UBE2G1: variants seen among roughly 807,000 people sequenced by gnomAD.
UBE2G1 encodes the protein ubiquitin conjugating enzyme E2 G1.
Under a neutral mutation model 22.7 loss-of-function variants are expected in UBE2G1, and 5 were observed. The ratio of observed to expected loss-of-function variants is 0.22; its 90% CI spans 0.12 to 0.46. The LOEUF (loss-of-function observed/expected upper bound fraction) is 0.46. Ranked by LOEUF, UBE2G1 falls within the 20% of genes least tolerant of loss-of-function variation. UBE2G1 has a pLI of 0.99. For missense variants in UBE2G1, 88 were observed against 203.9 expected, an observed-to-expected ratio of 0.43 and a Z score of 3.46; for synonymous variants, 74 against 67.5, an observed-to-expected ratio of 1.10 and a Z score of -0.47.
At chr17:4,287,365 C>T (rs377050286) in intron 4 of UBE2G1, among the ~76,000 whole-genome samples, 20 of 152,026 alleles carry the variant, frequency 1.3e-4, no homozygotes, top group African/African-American at 3.4e-4. Flanking sequence ...GCCTCCCAAA[C>T]GGCTGGGATT....
chr17:4,287,987 G>T (rs1024860836), intron 4 of UBE2G1, among the ~76,000 whole-genome samples: 1 of 152,070 alleles, frequency 6.6e-6, no homozygotes, highest in Admixed American at 6.6e-5. Context: ...CTACATTAAC[G>T]ACAGACTTGT....
At chr17:4,349,188 C>T (rs1015571211) in intron 1 of UBE2G1, among the ~76,000 whole-genome samples, 1 of 152,062 alleles carries the variant, frequency 6.6e-6, no homozygotes, top group African/African-American at 2.4e-5. Context: ...GATGTCGTGG[C>T]GCATGCGTGT....
intron 1 of UBE2G1, among the ~76,000 whole-genome samples, chr17:4,308,425 T>G (rs1194186747): frequency 6.6e-6 from 1 of 152,028 alleles, no homozygotes; most frequent in Non-Finnish European, 1.5e-5. Context: ...CTCAGAAGGC[T>G]AAGGCAGGAG....
intron 5 of UBE2G1, among the ~76,000 whole-genome samples, chr17:4,282,256 T>G (rs942132311): frequency 2.0e-5 from 3 of 152,074 alleles, no homozygotes; most frequent in Admixed American, 1.3e-4. Flanking sequence ...CTAATTTTTG[T>G]ATTTTTAGTA....
intron 1 of UBE2G1, among the ~76,000 whole-genome samples, chr17:4,335,605 A>C (rs1198668203): frequency 6.6e-6 from 1 of 152,210 alleles, no homozygotes; most frequent in Non-Finnish European, 1.5e-5. Flanking sequence ...TAGAACTACA[A>C]ACTACCATGT....
At chr17:4,282,671 C>A (rs771130975) in intron 5 of UBE2G1, 127 bp downstream of exon 5, 36 of 626,384 alleles carry the variant, frequency 5.7e-5, no homozygotes, top group Non-Finnish European at 9.9e-5. Context: ...AACGAGACTA[C>A]AGGATAATAC....
In UBE2G1 at chr17:4,296,825, GAACA is replaced by G; in HGVS notation, c.150-15_150-12del. 1 of 1,609,532 alleles carries G rather than the reference GAACA, an allele frequency of 6.2e-7. No individual in the cohort carries two copies. The highest frequency in any genetic ancestry group is 8.5e-7 in the Non-Finnish European group (1 of 1,177,402). ...AAAACACCACCTTCACTGGAAAAAA[GAACA>G]AAAAGAAGTTCTTGCCTATAAGTTC... On this transcript the variant is annotated splice_polypyrimidine_tract_variant and intron_variant, in intron 2 of 5. Transcript: ENST00000396981.
At chr17:4,292,399 CT>C (rs1341604437) in intron 3 of UBE2G1, among the ~76,000 whole-genome samples, 65 of 152,070 alleles carry the variant, frequency 4.3e-4, no homozygotes, top group African/African-American at 1.4e-3. Flanking sequence ...TAGCTACCTC[CT>C]TTTTCTTGAG....
intron 4 of UBE2G1, among the ~76,000 whole-genome samples, chr17:4,286,501 G>A (rs1968965485): frequency 1.3e-5 from 2 of 152,182 alleles, no homozygotes; most frequent in African/African-American, 4.8e-5. Context: ...GGAAGAACCA[G>A]TGGGATTCAA....
Position 4,271,662 on chromosome 17 carries a change from A to T in UBE2G1, c.*892T>A, listed in dbSNP as rs1308913520. 1.3e-5 allele frequency: 2 copies of T among 149,416 alleles called. No individual in the cohort carries two copies. The highest frequency in any genetic ancestry group is 3.9e-4 in the East Asian group (2 of 5,146). The allele number at this position is 149,416 out of a possible 1,614,324, so 9.3% of individuals were successfully genotyped here. A position where few individuals can be genotyped will look rare whatever the true frequency, so the allele number is the denominator to read the frequency against. On this transcript the variant is annotated 3_prime_UTR_variant, in exon 6 of 6. Coordinates refer to ENST00000396981, the MANE Select transcript of UBE2G1 (RefSeq NM_003342.5). Reference sequence around the variant, plus strand: ...TTAAGTAGAAAGCCTGTAGCTGTGCATGCTTCATTTATCCAACCTTAATAC... The same window carrying T: ...TTAAGTAGAAAGCCTGTAGCTGTGCTTGCTTCATTTATCCAACCTTAATAC...
At chr17:4,330,976 C>CCACACACACACACACACACACACACACA (rs57051928) in intron 1 of UBE2G1, among the ~76,000 whole-genome samples, 3 of 143,576 alleles carry the variant, frequency 2.1e-5, no homozygotes, top group African/African-American at 8.0e-5. Flanking sequence ...ACCTTTAAAA[C>CCACACACACACACACACACACACACACA]CACACACACA....
chr17:4,279,112 T>C (rs1326046291), intron 5 of UBE2G1, among the ~76,000 whole-genome samples: 2 of 151,778 alleles, frequency 1.3e-5, no homozygotes, highest in East Asian at 1.9e-4. Context: ...CCATCTCTAC[T>C]AAAAAATACA....
At position 4,352,256 on chromosome 17, in the gene UBE2G1, G is replaced by GT. The variant is rs200286283; in HGVS notation, c.46+14014dup. Among the ~76,000 whole-genome samples the GT allele has an allele frequency of 1.8e-3, 281 of 152,194 alleles. 1 individual carries two copies. Among genetic ancestry groups the GT allele is most frequent in the African/African-American group, 6.5e-3 (268 of 41,496 alleles). ...TTAAACATTGTTTTTCTAAGAGGGG[G>GT]TCTTGCTGTGTCAACCAGGCTGGAG... is the stretch of plus-strand genomic sequence containing the variant. On this transcript the variant is annotated intron_variant, in intron 1 of 5. Coordinates refer to ENST00000396981, the MANE Select transcript of UBE2G1 (RefSeq NM_003342.5).
At chr17:4,340,336 A>T (rs1400581633) in intron 1 of UBE2G1, among the ~76,000 whole-genome samples, 1 of 152,212 alleles carries the variant, frequency 6.6e-6, no homozygotes, top group African/African-American at 2.4e-5. Flanking sequence ...CAAAATAGGA[A>T]TATACTTAAA....
intron 1 of UBE2G1, among the ~76,000 whole-genome samples, chr17:4,329,574 G>A (rs371505957): frequency 1.3e-5 from 2 of 151,856 alleles, no homozygotes; most frequent in African/African-American, 4.8e-5. Flanking sequence ...AAGAGACTGA[G>A]ACTCTTCTTT....
chr17:4,274,199 CT>C (rs11426758), intron 5 of UBE2G1, among the ~76,000 whole-genome samples: 55 of 101,210 alleles, frequency 5.4e-4, no homozygotes, highest in Admixed American at 1.1e-3. Context: ...CCAGGATGGT[CT>C]TTTTTTTTTT....
intron 3 of UBE2G1, among the ~76,000 whole-genome samples, chr17:4,295,966 A>G (rs1969105069): frequency 6.8e-6 from 1 of 147,408 alleles, no homozygotes; most frequent in African/African-American, 2.5e-5. Context: ...AAAATGTAAT[A>G]CGTTGTTTCA....
intron 1 of UBE2G1, among the ~76,000 whole-genome samples, chr17:4,324,895 G>C (rs1969484995): frequency 6.6e-6 from 1 of 152,058 alleles, no homozygotes; most frequent in Non-Finnish European, 1.5e-5. Flanking sequence ...GGCTAACACA[G>C]TGAAACCACG....
At chr17:4,366,179 G>T in intron 1 of UBE2G1, 92 bp downstream of exon 1, 1 of 1,373,184 alleles carries the variant, frequency 7.3e-7, no homozygotes, top group Non-Finnish European at 9.6e-7. Context: ...CCCTTCGGCA[G>T]TACGGCCGCT....
Sources: gnomAD v4.1 joint callset for allele counts (sites outside exome capture counted in the v4.1 genomes callset) on GRCh38, gnomAD v4.1.1 for gene constraint, MANE v1.5 for transcripts, NCBI Gene and HGNC (gene_info 2026-07-23, HGNC 2026-07-21) for gene names.